Variants in GALNT13 observed in about 807,000 individuals in gnomAD.
GALNT13 encodes UDP-GalNAc:polypeptide N-acetylgalactosaminyltransferase 13.
Under a neutral mutation model 64.2 loss-of-function variants are expected in GALNT13, and 28 were observed. The observed-to-expected ratio is 0.44, with a 90% CI of 0.32 to 0.60. GALNT13 has a LOEUF of 0.60. GALNT13 is among the 20% of genes least tolerant of loss of function. GALNT13 has a pLI of 0.05. For missense variants in GALNT13, 577 were observed against 669.8 expected (o/e 0.86, Z 1.53); for synonymous variants, 214 against 224.6 (o/e 0.95, Z 0.42).
At chr2:153,252,084 C>A in the GALNT13 span, among the ~76,000 whole-genome samples, 2 of 150,030 alleles carry the variant, frequency 1.3e-5, no homozygotes, top group Non-Finnish European at 3.0e-5. Flanking sequence ...TACAGTTCCA[C>A]CAACAGTGTA....
the GALNT13 span, among the ~76,000 whole-genome samples, chr2:153,691,712 G>C: frequency 6.6e-6 from 1 of 151,938 alleles, no homozygotes; most frequent in African/African-American, 2.4e-5. Context: ...ATACCAGAAG[G>C]TCTATAAGTG....
At chr2:153,478,745 C>T in the GALNT13 span, 14 of 604,466 alleles carry the variant, frequency 2.3e-5, no homozygotes, top group East Asian at 4.2e-4. Flanking sequence ...CCGACGCGCG[C>T]AGCAGCTAGG....
the GALNT13 span, among the ~76,000 whole-genome samples, chr2:153,153,078 C>G: frequency 6.6e-6 from 1 of 152,000 alleles, no homozygotes; most frequent in Non-Finnish European, 1.5e-5. Context: ...CTGTTGTTGA[C>G]TTTCTTATAA....
At chr2:153,670,627 A>G in the GALNT13 span, among the ~76,000 whole-genome samples, 2 of 152,328 alleles carry the variant, frequency 1.3e-5, no homozygotes, top group African/African-American at 4.8e-5. Flanking sequence ...AATTCTAAAA[A>G]CCAGAATGCC....
At chr2:153,623,201 C>G in the GALNT13 span, among the ~76,000 whole-genome samples, 1 of 152,002 alleles carries the variant, frequency 6.6e-6, no homozygotes, top group African/African-American at 2.4e-5. Context: ...TTCACTGTAA[C>G]CTATTAGGGC....
At chr2:153,691,884 C>T in the GALNT13 span, among the ~76,000 whole-genome samples, 2 of 151,866 alleles carry the variant, frequency 1.3e-5, no homozygotes, top group Non-Finnish European at 2.9e-5. Flanking sequence ...GGAATATGCT[C>T]AACAGAAATC....
chr2:153,522,568 G>A, the GALNT13 span, among the ~76,000 whole-genome samples: 2 of 152,152 alleles, frequency 1.3e-5, no homozygotes, highest in African/African-American at 4.8e-5. Flanking sequence ...CCTAAAAGGA[G>A]TATAGTGGTA....
At chr2:153,995,459 A>G (rs1283360648) in intron 3 of GALNT13, among the ~76,000 whole-genome samples, 1 of 152,268 alleles carries the variant, frequency 6.6e-6, no homozygotes, top group Admixed American at 6.5e-5. Context: ...TCAGGAGCTC[A>G]GGGGCAACTT....
chr2:154,178,368 A>G (rs919149234), intron 4 of GALNT13, among the ~76,000 whole-genome samples: 2 of 141,368 alleles, frequency 1.4e-5, no homozygotes, highest in Non-Finnish European at 1.5e-5. Context: ...TTGAACAATG[A>G]GAACACATGG....
At chr2:153,290,847 G>A in the GALNT13 span, among the ~76,000 whole-genome samples, 1 of 152,092 alleles carries the variant, frequency 6.6e-6, no homozygotes, top group Non-Finnish European at 1.5e-5. Context: ...ATTCTATTCA[G>A]TGTTGCCCAT....
the GALNT13 span, among the ~76,000 whole-genome samples, chr2:153,289,274 C>T: frequency 6.6e-6 from 1 of 152,320 alleles, no homozygotes; most frequent in East Asian, 1.9e-4. Context: ...CCAATGACCT[C>T]ATTTCTTCAT....
intron 3 of GALNT13, among the ~76,000 whole-genome samples, chr2:154,014,649 T>TTTTTTTTTTTTTTTTTTTTTTTTTTC (rs1395681522): frequency 5.0e-5 from 7 of 139,410 alleles, no homozygotes; most frequent in Non-Finnish European, 9.5e-5. Context: ...TTTTTTTTTT[T>TTTTTTTTTTTTTTTTTTTTTTTTTTC]TGAGACGGAG....
At chr2:153,719,507 C>T in the GALNT13 span, among the ~76,000 whole-genome samples, 20 of 151,664 alleles carry the variant, frequency 1.3e-4, no homozygotes, top group South Asian at 8.4e-4. Context: ...CCAGCTTGAG[C>T]GACGCAGAAG....
the GALNT13 span, among the ~76,000 whole-genome samples, chr2:153,223,473 C>T: frequency 2.4e-3 from 368 of 152,036 alleles, 1 homozygote; most frequent in African/African-American, 8.4e-3. Flanking sequence ...AGAAATCATA[C>T]GAAGTATGTT....
the GALNT13 span, among the ~76,000 whole-genome samples, chr2:153,400,942 T>A: frequency 6.6e-6 from 1 of 151,812 alleles, no homozygotes; most frequent in Non-Finnish European, 1.5e-5. Flanking sequence ...CTGCTCTGAT[T>A]TTAGTTATTT....
At chr2:153,784,979 G>T in the GALNT13 span, among the ~76,000 whole-genome samples, 7 of 152,120 alleles carry the variant, frequency 4.6e-5, no homozygotes, top group Non-Finnish European at 1.0e-4. Flanking sequence ...CCAGACTCTA[G>T]TCCTAGATCT....
At chr2:153,308,659 A>G in the GALNT13 span, among the ~76,000 whole-genome samples, 9 of 152,314 alleles carry the variant, frequency 5.9e-5, no homozygotes, top group East Asian at 1.5e-3. Context: ...ATTCTGAAAG[A>G]TCAAGCTTGC....
chr2:154,140,335 AG>A lies in GALNT13; in HGVS notation c.143-1del. ...ATGTCTGTATCTCTGTATGTCTTAC[AG>A]CTGTTATTTCAAGAAACCAAGAAGG... On this transcript the variant is annotated splice_acceptor_variant, in intron 3 of 12. Transcript: ENST00000392825. LOFTEE classifies it high-confidence loss of function. The A allele has an allele frequency of 2.5e-6, 4 of 1,610,270 alleles. No homozygotes were observed. The highest frequency in any genetic ancestry group is 3.4e-6 in the Non-Finnish European group (4 of 1,176,952).
chr2:153,767,579 T>A, the GALNT13 span, among the ~76,000 whole-genome samples: 15 of 152,178 alleles, frequency 9.9e-5, no homozygotes, highest in Non-Finnish European at 2.2e-4. Context: ...AGTATGTGAA[T>A]GTTCCCTTTA....
Sources: gnomAD v4.1 joint callset for allele counts (sites outside exome capture counted in the v4.1 genomes callset) on GRCh38, gnomAD v4.1.1 for gene constraint, MANE v1.5 for transcripts, NCBI Gene and HGNC (gene_info 2026-07-23, HGNC 2026-07-21) for gene names.